Variants in ITPR2 observed in about 807,000 individuals in gnomAD.
ITPR2 encodes inositol 1,4,5-trisphosphate-gated calcium channel ITPR2.
A neutral mutation model predicts 317.1 loss-of-function variants in ITPR2; 207 were observed. The observed-to-expected ratio is 0.65, with a 90% CI of 0.58 to 0.73. The LOEUF is 0.73. ITPR2 is among the 30% of genes least tolerant of loss of function. The probability of loss-of-function intolerance (pLI) is 0.00; values close to 1 mark genes in which losing one functional copy is unlikely to be tolerated. For missense variants in ITPR2, 2,613 were observed against 3,284.0 expected (o/e 0.80, Z 4.99); for synonymous variants, 1,156 against 1,149.1 (o/e 1.01, Z -0.12).
chr12:26,630,979 G>A (rs1158755958), intron 22 of ITPR2, among the ~76,000 whole-genome samples: 1 of 152,140 alleles, frequency 6.6e-6, no homozygotes, highest in Non-Finnish European at 1.5e-5. Context: ...GAGGAACTGT[G>A]AAACCTTTTA....
intron 51 of ITPR2, among the ~76,000 whole-genome samples, chr12:26,413,285 G>A (rs1940610754): frequency 6.6e-6 from 1 of 152,196 alleles, no homozygotes; most frequent in Non-Finnish European, 1.5e-5. Context: ...ACAGGGCCCT[G>A]TGATGGCTTT....
chr12:26,586,405 T>C (rs1176995207), intron 32 of ITPR2, among the ~76,000 whole-genome samples: 2 of 152,334 alleles, frequency 1.3e-5, no homozygotes, highest in East Asian at 3.9e-4. Context: ...CCCAAAACAC[T>C]GGGTTTACAA....
intron 26 of ITPR2, among the ~76,000 whole-genome samples, chr12:26,605,342 T>C (rs1049185307): frequency 6.6e-6 from 1 of 151,768 alleles, no homozygotes; most frequent in Non-Finnish European, 1.5e-5. Flanking sequence ...TAGATTTCCT[T>C]TTTCTGATCA....
intron 37 of ITPR2, among the ~76,000 whole-genome samples, chr12:26,502,984 C>T (rs111427306): frequency 0.01 from 1,561 of 152,212 alleles, 21 homozygotes; most frequent in Middle Eastern, 0.014. Flanking sequence ...GGACATATCA[C>T]CAGCACTATC....
intron 2 of ITPR2, among the ~76,000 whole-genome samples, chr12:26,748,837 A>G (rs922731345): frequency 6.6e-6 from 1 of 152,234 alleles, no homozygotes; most frequent in African/African-American, 2.4e-5. Flanking sequence ...CATCAGTACA[A>G]AGATGTCTAG....
intron 51 of ITPR2, 84 bp downstream of exon 51, chr12:26,415,219 G>C (rs192244906): frequency 1.2e-5 from 10 of 857,262 alleles, no homozygotes; most frequent in Non-Finnish European, 1.6e-5. Flanking sequence ...TCCTCTATTC[G>C]TGTTTATCTA....
In ITPR2 at chr12:26,482,212, C is replaced by T. The variant is rs889045273; in HGVS notation, c.6013-971G>A. On this transcript the variant is annotated intron_variant, in intron 42 of 56. Transcript: ENST00000381340. ...ATCTCCTACCTGTCCTGAGGTTCTT[C>T]TGCTCATTAAAATATTTCCCAAACT... Among the ~76,000 whole-genome samples the T allele has an allele frequency of 3.3e-5, 5 of 152,328 alleles. No individual in the cohort carries two copies. The East Asian group carries it at 9.6e-4, about 29-fold the overall frequency.
At chr12:26,753,704 G>A (rs970052332) in intron 2 of ITPR2, among the ~76,000 whole-genome samples, 5 of 152,184 alleles carry the variant, frequency 3.3e-5, no homozygotes, top group Non-Finnish European at 2.9e-5. Context: ...TAACAAATCC[G>A]GTCTGCTTTG....
chr12:26,736,876 G>A (rs78583367), intron 2 of ITPR2, among the ~76,000 whole-genome samples: 3,427 of 152,262 alleles, frequency 0.023, 51 homozygotes, highest in South Asian at 0.032. Context: ...AGTATCCAAA[G>A]TTCAGCAAGG....
intron 2 of ITPR2, among the ~76,000 whole-genome samples, chr12:26,765,290 G>C (rs1466265602): frequency 6.6e-6 from 1 of 152,026 alleles, no homozygotes; most frequent in African/African-American, 2.4e-5. Context: ...GTGTATCATT[G>C]AATGTGTGTA....
intron 55 of ITPR2, among the ~76,000 whole-genome samples, chr12:26,376,789 G>C (rs1939360717): frequency 6.6e-6 from 1 of 151,332 alleles, no homozygotes. Flanking sequence ...ACGCAGGCCT[G>C]AGTACAGTGG....
chr12:26,552,561 T>G (rs995272618), intron 36 of ITPR2, among the ~76,000 whole-genome samples: 4 of 152,296 alleles, frequency 2.6e-5, no homozygotes, highest in Admixed American at 2.6e-4. Flanking sequence ...TGATGTCCTT[T>G]TAGACATGTT....
At chr12:26,516,518 T>C (rs1238537306) in intron 37 of ITPR2, among the ~76,000 whole-genome samples, 2 of 151,134 alleles carry the variant, frequency 1.3e-5, no homozygotes, top group Non-Finnish European at 2.9e-5. Flanking sequence ...AAAGAATATA[T>C]ATAAGGAATA....
At chr12:26,556,562 T>TG (rs1319543594) in intron 35 of ITPR2, among the ~76,000 whole-genome samples, 187 bp from the exon 36 acceptor site, 1,096 of 99,176 alleles carry the variant, frequency 0.011, 2 homozygotes, top group Middle Eastern at 0.057. Context: ...CTCTATTTTT[T>TG]TTTTTGTGTG....
intron 37 of ITPR2, among the ~76,000 whole-genome samples, chr12:26,512,489 G>A (rs976718669): frequency 4.6e-5 from 7 of 152,300 alleles, no homozygotes; most frequent in African/African-American, 1.2e-4. Flanking sequence ...CATGTAAATC[G>A]TGTATCGAGT....
chr12:26,383,494 GTTTT>G lies in ITPR2; in HGVS notation c.7857+3936_7857+3939del, dbSNP rs199702626. On this transcript the variant is annotated intron_variant, in intron 55 of 56. Coordinates refer to ENST00000381340, the MANE Select transcript of ITPR2 (RefSeq NM_002223.4). ...TGTTTGTTTGTTTGTTTGTTTGTTT[GTTTT>G]TTTGAGATGGAGTCTTGCTCTGTTG... is the stretch of plus-strand genomic sequence containing the variant. 4.5e-3 allele frequency among the ~76,000 whole-genome samples: 680 copies of G among 150,082 alleles called. 9 individuals carry two copies. The highest frequency in any genetic ancestry group is 0.016 in the African/African-American group (648 of 40,542).
intron 55 of ITPR2, among the ~76,000 whole-genome samples, chr12:26,377,579 T>C (rs576436414): frequency 9.2e-5 from 14 of 152,340 alleles, no homozygotes; most frequent in Admixed American, 2.6e-4. Context: ...TTTGAGGTTT[T>C]CCCTACCTGT....
At chr12:26,464,752 T>C (rs1462173046) in intron 45 of ITPR2, among the ~76,000 whole-genome samples, 1 of 152,182 alleles carries the variant, frequency 6.6e-6, no homozygotes, top group Admixed American at 6.5e-5. Flanking sequence ...GCCATGTGAA[T>C]TTGGTGATAT....
At position 26,722,342 on chromosome 12, in the gene ITPR2, A is replaced by G. The variant is rs114159806; in HGVS notation, c.525+55T>C. 2.4e-3 allele frequency: 3,506 copies of G among 1,441,390 alleles called. 76 individuals carry two copies. In the African/African-American group the frequency reaches 0.045, roughly 19 times the overall value. 89.3% of individuals were successfully genotyped at this position (1,441,390 alleles called of 1,614,324 possible). A position where few individuals can be genotyped will look rare whatever the true frequency, so the allele number is the denominator to read the frequency against. ...TACTTTCTGGATTATCTTACTTATTAGGAATCATTTTCTTTATGAACCCAC... is the reference window on the plus strand; with the variant it reads ...TACTTTCTGGATTATCTTACTTATTGGGAATCATTTTCTTTATGAACCCAC... On this transcript the variant is annotated intron_variant, in intron 5 of 56. Coordinates refer to ENST00000381340, the MANE Select transcript of ITPR2 (RefSeq NM_002223.4).
Sources: gnomAD v4.1 joint callset for allele counts (sites outside exome capture counted in the v4.1 genomes callset) on GRCh38, gnomAD v4.1.1 for gene constraint, MANE v1.5 for transcripts, NCBI Gene and HGNC (gene_info 2026-07-23, HGNC 2026-07-21) for gene names.